The following TMEM196 variants were observed in gnomAD, a reference collection of about 807,000 sequenced individuals.
TMEM196 encodes the protein transmembrane protein 196.
TMEM196 carries 17 observed loss-of-function variants against 20.0 expected under a neutral mutation model. That is an observed-to-expected ratio of 0.85 (90% CI 0.58 to 1.27). The LOEUF (loss-of-function observed/expected upper bound fraction) is 1.27. Among genes scored for constraint, TMEM196 ranks in the 50% most tolerant of loss-of-function variants. TMEM196 has a pLI of 0.00. For synonymous variants in TMEM196, 113 were observed against 88.9 expected, an observed-to-expected ratio of 1.27 and a Z score of -1.52; for missense variants, 267 against 223.0, an observed-to-expected ratio of 1.20 and a Z score of -1.26.
chr7:19,748,202 G>C (rs1394605334), intron 1 of TMEM196, among the ~76,000 whole-genome samples: 2 of 117,832 alleles, frequency 1.7e-5, no homozygotes, highest in African/African-American at 3.3e-5. Flanking sequence ...TATACATAAT[G>C]ACAATATAAA....
chr7:19,771,559 C>T (rs771902582), intron 1 of TMEM196, among the ~76,000 whole-genome samples: 8 of 152,160 alleles, frequency 5.3e-5, no homozygotes, highest in East Asian at 1.9e-4. Flanking sequence ...AAACATGCTA[C>T]AGATTATCAG....
chr7:19,755,467 T>C (rs1158683937), intron 1 of TMEM196, among the ~76,000 whole-genome samples: 2 of 152,198 alleles, frequency 1.3e-5, no homozygotes, highest in Non-Finnish European at 2.9e-5. Flanking sequence ...CTTTTGGTAC[T>C]TGCCAGATTA....
chr7:19,736,695 T>C (rs1011392442), intron 1 of TMEM196, among the ~76,000 whole-genome samples: 1 of 151,850 alleles, frequency 6.6e-6, no homozygotes, highest in African/African-American at 2.4e-5. Flanking sequence ...ACTGAAATTC[T>C]CCTTAACTAC....
At chr7:19,729,151 T>G (rs1168641456) in intron 2 of TMEM196, among the ~76,000 whole-genome samples, 1 of 152,198 alleles carries the variant, frequency 6.6e-6, no homozygotes, top group East Asian at 1.9e-4. Context: ...ATTCAGATAT[T>G]TAAAGAGTTT....
intron 1 of TMEM196, among the ~76,000 whole-genome samples, chr7:19,760,863 G>A (rs1302220522): frequency 6.6e-6 from 1 of 152,168 alleles, no homozygotes; most frequent in African/African-American, 2.4e-5. Context: ...ACAAGAAAGA[G>A]AACCGAGGAG....
chr7:19,746,130 T>A (rs1784742276), intron 1 of TMEM196, among the ~76,000 whole-genome samples: 4 of 152,178 alleles, frequency 2.6e-5, no homozygotes, highest in Admixed American at 2.6e-4. Flanking sequence ...TATTTCTGAA[T>A]CTAAATGCTA....
chr7:19,760,352 CTTTTTTTTTTTTT>C (rs55646735), intron 1 of TMEM196, among the ~76,000 whole-genome samples: 1 of 92,178 alleles, frequency 1.1e-5, no homozygotes, highest in Admixed American at 1.2e-4. Context: ...ATATATTTTC[CTTTTTTTTTTTTT>C]TTTTTTTTTT....
intron 1 of TMEM196, among the ~76,000 whole-genome samples, chr7:19,743,929 A>G (rs921747721): frequency 6.6e-6 from 1 of 152,138 alleles, no homozygotes; most frequent in African/African-American, 2.4e-5. Context: ...CTAAAATAAG[A>G]TCTTACAAGA....
chr7:19,743,809 A>T (rs1784658597), intron 1 of TMEM196, among the ~76,000 whole-genome samples: 2 of 152,156 alleles, frequency 1.3e-5, no homozygotes, highest in African/African-American at 4.8e-5. Flanking sequence ...ACAGAGTCCT[A>T]AAATCTTGAC....
chr7:19,752,620 TC>T (rs1785032195), intron 1 of TMEM196, among the ~76,000 whole-genome samples: 2 of 151,778 alleles, frequency 1.3e-5, no homozygotes, highest in African/African-American at 4.9e-5. Flanking sequence ...TTTCTTTCTT[TC>T]TTTCTTTTTT....
chr7:19,754,967 C>G (rs1003179325), intron 1 of TMEM196, among the ~76,000 whole-genome samples: 1 of 152,152 alleles, frequency 6.6e-6, no homozygotes, highest in African/African-American at 2.4e-5. Context: ...TCTCTCCATT[C>G]TTTTTATAAG....
At chr7:19,724,197 C>G in intron 4 of TMEM196, 83 bp downstream of exon 4, 4 of 1,206,788 alleles carry the variant, frequency 3.3e-6, no homozygotes, top group Non-Finnish European at 4.8e-6. Flanking sequence ...TCAGACTGAT[C>G]TGTTGACATC....
At chr7:19,727,530 C>T (rs1182474262) in intron 2 of TMEM196, among the ~76,000 whole-genome samples, 2 of 151,042 alleles carry the variant, frequency 1.3e-5, no homozygotes, top group East Asian at 1.9e-4. Flanking sequence ...TTAAATCATC[C>T]TACTAAGTGT....
chr7:19,727,394 C>A (rs1176999330), intron 2 of TMEM196, among the ~76,000 whole-genome samples: 1 of 152,132 alleles, frequency 6.6e-6, no homozygotes, highest in Non-Finnish European at 1.5e-5. Flanking sequence ...AATTTCATTT[C>A]TTCAACTTAA....
intron 1 of TMEM196, among the ~76,000 whole-genome samples, chr7:19,764,340 C>T (rs1785542217): frequency 6.6e-6 from 1 of 152,160 alleles, no homozygotes; most frequent in African/African-American, 2.4e-5. Context: ...AAGAGCAGAC[C>T]AGTCTTGGCA....
intron 1 of TMEM196, among the ~76,000 whole-genome samples, chr7:19,732,070 T>C (rs4721822): frequency 0.13 from 19,881 of 152,142 alleles, 1,848 homozygotes; most frequent in East Asian, 0.55. Flanking sequence ...AAGTAGTAAA[T>C]TGATATTTTA....
rs151301916 is a variant in TMEM196, at chr7:19,737,994, C to T, written c.148-8556G>A. 3.3e-5 allele frequency among the ~76,000 whole-genome samples: 5 copies of T among 151,834 alleles called. No individual in the cohort carries two copies. The East Asian group carries it at 9.7e-4, about 29-fold the overall frequency. On this transcript the variant is annotated intron_variant, in intron 1 of 4. Coordinates refer to ENST00000405844, the MANE Select transcript of TMEM196 (RefSeq NM_001363562.2). ...TGTAGAATGTAACCATACTATATAA[C>T]TATAATAAAATGTATAAGACAATTT... is the stretch of plus-strand genomic sequence containing the variant.
chr7:19,729,260 T>TTTG, intron 2 of TMEM196, 122 bp downstream of exon 2: 1 of 648,512 alleles, frequency 1.5e-6, no homozygotes, highest in Non-Finnish European at 2.2e-6. Context: ...TTGTCAGTTT[T>TTTG]TTTTTTTTTT....
intron 1 of TMEM196, among the ~76,000 whole-genome samples, chr7:19,756,000 G>C (rs1785194005): frequency 6.7e-6 from 1 of 149,442 alleles, no homozygotes; most frequent in Admixed American, 6.7e-5. Flanking sequence ...CTGTACTCCA[G>C]CCTCCAGCCT....
Sources: allele counts gnomAD v4.1 joint callset (sites outside exome capture counted in the v4.1 genomes callset), GRCh38; gene constraint gnomAD v4.1.1; transcripts MANE v1.5; gene names NCBI Gene and HGNC (gene_info 2026-07-23, HGNC 2026-07-21).